The following TRHDE variants were observed in gnomAD, a reference collection of about 807,000 sequenced individuals.
TRHDE encodes the protein thyrotropin-releasing hormone-degrading ectoenzyme.
TRHDE carries 72 observed loss-of-function variants against 125.7 expected under a neutral mutation model. The ratio of observed to expected loss-of-function variants is 0.57; its 90% CI spans 0.47 to 0.70. The LOEUF (loss-of-function observed/expected upper bound fraction) is 0.70, where lower values mean the gene tolerates loss of function less well. TRHDE is among the 30% of genes least tolerant of loss of function. TRHDE has a pLI of 0.00. For missense variants in TRHDE, 1,110 were observed against 1,327.1 expected (o/e 0.84, Z 2.54); for synonymous variants, 509 against 509.1 (o/e 1.00, Z 0.00).
At chr12:72,196,711 C>G (rs1046975948) in intron 2 of TRHDE, among the ~76,000 whole-genome samples, 2 of 151,972 alleles carry the variant, frequency 1.3e-5, no homozygotes, top group Non-Finnish European at 2.9e-5. Context: ...TTATTTCATC[C>G]AAGGCTAACC....
chr12:72,307,330 ATTTTTT>A (rs11323954), intron 2 of TRHDE, among the ~76,000 whole-genome samples: 2 of 137,154 alleles, frequency 1.5e-5, no homozygotes, highest in Admixed American at 7.2e-5. Flanking sequence ...ATACCCAGCT[ATTTTTT>A]TTTTTTTTTT....
chr12:72,149,776 A>G (rs990090920), intron 2 of TRHDE, among the ~76,000 whole-genome samples: 4 of 152,174 alleles, frequency 2.6e-5, no homozygotes, highest in African/African-American at 9.6e-5. Flanking sequence ...CATATTTACT[A>G]AAATTGGGTG....
intron 15 of TRHDE, among the ~76,000 whole-genome samples, chr12:72,635,908 T>C (rs932126729): frequency 1.3e-5 from 2 of 152,150 alleles, no homozygotes; most frequent in Non-Finnish European, 2.9e-5. Flanking sequence ...TACTGTAGCC[T>C]TGTAGTATAG....
intron 3 of TRHDE, among the ~76,000 whole-genome samples, chr12:72,418,307 C>G: frequency 6.6e-6 from 1 of 151,918 alleles, no homozygotes; most frequent in East Asian, 1.9e-4. Flanking sequence ...TTAAGGATGA[C>G]TTAAAATATG....
At chr12:72,157,479 G>A (rs1876543946) in intron 2 of TRHDE, among the ~76,000 whole-genome samples, 1 of 152,210 alleles carries the variant, frequency 6.6e-6, no homozygotes, top group South Asian at 2.1e-4. Context: ...CTTTGATCTG[G>A]TGATAGTAGC....
At chr12:72,654,609 TGA>T (rs1274859340) in intron 17 of TRHDE, among the ~76,000 whole-genome samples, 2 of 152,110 alleles carry the variant, frequency 1.3e-5, no homozygotes, top group Non-Finnish European at 2.9e-5. Context: ...GCTAAATGGG[TGA>T]TTTTTCTTTT....
At chr12:72,648,485 T>C (rs1874372918) in intron 15 of TRHDE, among the ~76,000 whole-genome samples, 1 of 152,160 alleles carries the variant, frequency 6.6e-6, no homozygotes, top group Admixed American at 6.6e-5. Flanking sequence ...CATGATCTCA[T>C]ATGTTGAAAT....
intron 2 of TRHDE, among the ~76,000 whole-genome samples, chr12:72,376,459 T>C (rs1871887371): frequency 6.6e-6 from 1 of 152,192 alleles, no homozygotes; most frequent in South Asian, 2.1e-4. Context: ...CTGTTGCAGG[T>C]AGTCTCTCCT....
chr12:72,316,815 A>C (rs74102205), intron 2 of TRHDE, among the ~76,000 whole-genome samples: 1 of 152,170 alleles, frequency 6.6e-6, no homozygotes, highest in African/African-American at 2.4e-5. Flanking sequence ...TGTAAAGTTT[A>C]AAATGGAATT....
chr12:72,147,906 G>A (rs1370028808), intron 2 of TRHDE: 2 of 152,212 alleles, frequency 1.3e-5, no homozygotes, highest in Admixed American at 6.5e-5. Context: ...GATGATGAGT[G>A]GTTTCAACTG....
chr12:72,416,436 G>C lies in TRHDE; in HGVS notation c.1315+38315G>C, dbSNP rs1371373335. 6.6e-5 allele frequency among the ~76,000 whole-genome samples: 10 copies of C among 151,696 alleles called. No individual in the cohort carries two copies. The South Asian group carries it at 2.1e-3, about 32-fold the overall frequency. Reference sequence around the variant, plus strand: ...TGCTTTTTTTTCTCTGTGCTTTTGAGGTCTTAGTCAAATAATCTTTACCCA... The same window carrying C: ...TGCTTTTTTTTCTCTGTGCTTTTGACGTCTTAGTCAAATAATCTTTACCCA... On this transcript the variant is annotated intron_variant, in intron 3 of 18. Transcript: ENST00000261180.
At chr12:72,294,191 G>A (rs1048022993) in intron 2 of TRHDE, among the ~76,000 whole-genome samples, 1 of 152,208 alleles carries the variant, frequency 6.6e-6, no homozygotes, top group African/African-American at 2.4e-5. Context: ...CAAGTAAGGG[G>A]CATGTCTCAG....
intron 2 of TRHDE, among the ~76,000 whole-genome samples, chr12:72,336,563 G>A (rs1869838728): frequency 1.3e-5 from 2 of 152,088 alleles, no homozygotes; most frequent in Non-Finnish European, 2.9e-5. Flanking sequence ...TTCATTTTTT[G>A]TTGCTGTAAT....
intron 2 of TRHDE, among the ~76,000 whole-genome samples, chr12:72,289,829 G>GTGAC (rs1880021463): frequency 6.6e-6 from 1 of 152,132 alleles, no homozygotes; most frequent in African/African-American, 2.4e-5. Flanking sequence ...CTGGGTGGTG[G>GTGAC]TGACTCACTT....
chr12:72,150,653 G>GT (rs1258772928), intron 2 of TRHDE, among the ~76,000 whole-genome samples: 2 of 149,578 alleles, frequency 1.3e-5, no homozygotes, highest in African/African-American at 4.9e-5. Context: ...GCGGTGTTTG[G>GT]TTTTTTGTCC....
intron 2 of TRHDE, among the ~76,000 whole-genome samples, chr12:72,373,791 A>G (rs1376307204): frequency 6.6e-6 from 1 of 152,102 alleles, no homozygotes; most frequent in Non-Finnish European, 1.5e-5. Context: ...AAAGGAAGCT[A>G]GTGTTATGAG....
At chr12:72,222,116 A>T (rs2956437) in intron 2 of TRHDE, among the ~76,000 whole-genome samples, 115,953 of 151,984 alleles carry the variant, frequency 0.76, 44,510 homozygotes, top group Non-Finnish European at 0.79. Flanking sequence ...TTTGTGACTG[A>T]GCTATGGAAG....
chr12:72,564,787 C>T (rs1870360044), intron 9 of TRHDE, among the ~76,000 whole-genome samples: 1 of 146,100 alleles, frequency 6.8e-6, no homozygotes, highest in Non-Finnish European at 1.5e-5. Context: ...CCTGCCTCAG[C>T]CTCCGGAGTA....
At chr12:72,648,897 TAAAG>T (rs1253352246) in intron 15 of TRHDE, among the ~76,000 whole-genome samples, 7 of 151,606 alleles carry the variant, frequency 4.6e-5, no homozygotes, top group Admixed American at 1.3e-4. Context: ...TGAAAGAAAA[TAAAG>T]AAGACACAAA....
Sources: gnomAD v4.1 joint callset for allele counts (sites outside exome capture counted in the v4.1 genomes callset) on GRCh38, gnomAD v4.1.1 for gene constraint, MANE v1.5 for transcripts, NCBI Gene and HGNC (gene_info 2026-07-23, HGNC 2026-07-21) for gene names.